MAML3: variants seen among roughly 807,000 people sequenced by gnomAD.
The protein encoded by MAML3 is mastermind-like protein 3.
MAML3 carries 27 observed loss-of-function variants against 101.9 expected under a neutral mutation model. The observed-to-expected ratio is 0.27, with a 90% confidence interval of 0.20 to 0.37. The LOEUF is 0.37. Among genes scored for constraint, MAML3 ranks in the 10% least tolerant of loss-of-function variants. MAML3 has a pLI of 1.00. For synonymous variants in MAML3, 501 were observed against 555.9 expected (o/e 0.90, Z 1.39); for missense variants, 1,316 against 1,444.9 (o/e 0.91, Z 1.45).
chr4:139,869,896 A>C (rs965930550), intron 2 of MAML3, among the ~76,000 whole-genome samples: 9 of 152,248 alleles, frequency 5.9e-5, no homozygotes, highest in African/African-American at 2.2e-4. Context: ...TGCCCATTTC[A>C]TTCGGTGAGT....
At chr4:139,849,480 C>A (rs1731510643) in intron 2 of MAML3, among the ~76,000 whole-genome samples, 2 of 152,198 alleles carry the variant, frequency 1.3e-5, no homozygotes, top group South Asian at 4.1e-4. Context: ...GACCTCAAAG[C>A]TGATAAACAG....
At chr4:139,857,878 T>C (rs1731692509) in intron 2 of MAML3, among the ~76,000 whole-genome samples, 1 of 152,238 alleles carries the variant, frequency 6.6e-6, no homozygotes. Context: ...TTTCTCACCA[T>C]TGTAGCTACT....
intron 1 of MAML3, among the ~76,000 whole-genome samples, chr4:140,028,572 A>G (rs1044552447): frequency 1.3e-5 from 2 of 151,886 alleles, no homozygotes; most frequent in Non-Finnish European, 2.9e-5. Flanking sequence ...GATCTTGCCT[A>G]TTTATTTGTT....
chr4:139,912,478 G>A (rs1560833876), intron 1 of MAML3, among the ~76,000 whole-genome samples: 1 of 152,184 alleles, frequency 6.6e-6, no homozygotes, highest in Non-Finnish European at 1.5e-5. Context: ...GCACTGTTGT[G>A]GGTTAAATTG....
chr4:139,965,510 A>G (rs1734113146), intron 1 of MAML3, among the ~76,000 whole-genome samples: 2 of 152,162 alleles, frequency 1.3e-5, no homozygotes, highest in African/African-American at 4.8e-5. Context: ...GTCCTCTCCT[A>G]TATCTGAACT....
intron 1 of MAML3, among the ~76,000 whole-genome samples, chr4:139,960,425 G>C (rs1349892243): frequency 6.6e-6 from 1 of 152,160 alleles, no homozygotes; most frequent in African/African-American, 2.4e-5. Context: ...CAGAATCCTG[G>C]ATTTTATGCT....
At chr4:140,137,140 C>T (rs1331931936) in intron 1 of MAML3, among the ~76,000 whole-genome samples, 1 of 152,206 alleles carries the variant, frequency 6.6e-6, no homozygotes, top group African/African-American at 2.4e-5. Flanking sequence ...AGGCGCCCGC[C>T]ACCGCGCCCG....
intron 1 of MAML3, among the ~76,000 whole-genome samples, chr4:140,127,704 C>T (rs1031793258): frequency 6.6e-6 from 1 of 152,134 alleles, no homozygotes; most frequent in Non-Finnish European, 1.5e-5. Flanking sequence ...CAGAACTTTA[C>T]TGAAAATTCT....
intron 2 of MAML3, among the ~76,000 whole-genome samples, chr4:139,795,863 T>C (rs1730502905): frequency 6.6e-6 from 1 of 152,238 alleles, no homozygotes; most frequent in Non-Finnish European, 1.5e-5. Context: ...ACTACGCATG[T>C]ATGTGCACAC....
intron 1 of MAML3, among the ~76,000 whole-genome samples, chr4:140,045,796 A>G (rs1381733112): frequency 1.3e-5 from 2 of 152,188 alleles, no homozygotes; most frequent in Non-Finnish European, 2.9e-5. Context: ...CCATCAGAAG[A>G]GCCTCTGAAG....
intron 2 of MAML3, among the ~76,000 whole-genome samples, chr4:139,743,118 C>A: frequency 6.6e-6 from 1 of 152,224 alleles, no homozygotes; most frequent in East Asian, 1.9e-4. Flanking sequence ...CTTCCCAGAT[C>A]CAGGCAGGCT....
At chr4:140,092,198 C>T (rs913986289) in intron 1 of MAML3, among the ~76,000 whole-genome samples, 1 of 150,034 alleles carries the variant, frequency 6.7e-6, no homozygotes, top group African/African-American at 2.4e-5. Context: ...TAACTCCTTG[C>T]TTTTCCCCGA....
intron 1 of MAML3, among the ~76,000 whole-genome samples, chr4:140,099,366 A>G (rs1391253702): frequency 6.6e-6 from 1 of 152,150 alleles, no homozygotes; most frequent in East Asian, 1.9e-4. Flanking sequence ...CTCACAAGTA[A>G]GAAATCTGTA....
At chr4:140,028,350 G>A (rs910091547) in intron 1 of MAML3, among the ~76,000 whole-genome samples, 4 of 152,110 alleles carry the variant, frequency 2.6e-5, no homozygotes, top group African/African-American at 9.7e-5. Context: ...ATGAATCTGA[G>A]ATATCTCTGC....
intron 2 of MAML3, among the ~76,000 whole-genome samples, chr4:139,865,923 CAGGTCCGTCTTCTGGA>C (rs1026402245): frequency 2.8e-4 from 43 of 152,372 alleles, no homozygotes; most frequent in African/African-American, 1.0e-3. Context: ...TCTGTTTTCC[CAGGTCCGTCTTCTGGA>C]AGGTGGCCAC....
At chr4:140,027,331 A>G (rs1227848011) in intron 1 of MAML3, among the ~76,000 whole-genome samples, 1 of 152,138 alleles carries the variant, frequency 6.6e-6, no homozygotes, top group Non-Finnish European at 1.5e-5. Flanking sequence ...CTTTGCTTCC[A>G]TTGCAGTTTG....
At chr4:139,876,807 T>A (rs1378517932) in intron 2 of MAML3, among the ~76,000 whole-genome samples, 4 of 152,240 alleles carry the variant, frequency 2.6e-5, no homozygotes, top group Non-Finnish European at 5.9e-5. Context: ...GGCTGCAGTT[T>A]ATCGGCTCAG....
intron 1 of MAML3, among the ~76,000 whole-genome samples, chr4:140,043,453 T>C (rs1727120972): frequency 1.3e-5 from 2 of 152,214 alleles, no homozygotes; most frequent in Non-Finnish European, 2.9e-5. Flanking sequence ...CAAGCAGTCA[T>C]CTGGGGGATT....
intron 2 of MAML3, among the ~76,000 whole-genome samples, chr4:139,801,896 G>T (rs1268436482): frequency 6.6e-6 from 1 of 152,130 alleles, no homozygotes. Flanking sequence ...ATAAGTCTAG[G>T]CTCCCCATGG....
Sources: allele counts gnomAD v4.1 joint callset (sites outside exome capture counted in the v4.1 genomes callset), GRCh38; gene constraint gnomAD v4.1.1; transcripts MANE v1.5; gene names NCBI Gene and HGNC (gene_info 2026-07-23, HGNC 2026-07-21).